The following CLEC17A variants were observed in gnomAD, a reference collection of about 807,000 sequenced individuals.
The protein encoded by CLEC17A is C-type lectin domain containing 17A.
A neutral mutation model predicts 61.3 loss-of-function variants in CLEC17A; 37 were observed. The ratio of observed to expected loss-of-function variants is 0.60; its 90% confidence interval spans 0.46 to 0.79. CLEC17A has a LOEUF of 0.79. Ranked by LOEUF, CLEC17A falls within the 30% of genes least tolerant of loss-of-function variation. CLEC17A has a pLI of 0.00. For synonymous variants in CLEC17A, 168 were observed against 164.9 expected, an observed-to-expected ratio of 1.02 and a Z score of -0.14; for missense variants, 418 against 464.7, an observed-to-expected ratio of 0.90 and a Z score of 0.92.
intron 2 of CLEC17A, among the ~76,000 whole-genome samples, chr19:14,587,261 GTT>G (rs1491253957): frequency 1.8e-3 from 253 of 140,390 alleles, no homozygotes; most frequent in African/African-American, 7.3e-3. Context: ...GTGTGTGTGT[GTT>G]TGTGTTTGTG....
chr19:14,605,540 C>T (rs2074839895), intron 12 of CLEC17A, among the ~76,000 whole-genome samples: 1 of 152,110 alleles, frequency 6.6e-6, no homozygotes, highest in Non-Finnish European at 1.5e-5. Flanking sequence ...TCAAACTAAC[C>T]AATATTTATA....
At chr19:14,600,605 G>A (rs1426369643) in intron 12 of CLEC17A, among the ~76,000 whole-genome samples, 1 of 149,292 alleles carries the variant, frequency 6.7e-6, no homozygotes, top group Non-Finnish European at 1.5e-5. Context: ...TTTTTGAGAT[G>A]GAGTCTCGCT....
chr19:14,595,136 T>G lies in CLEC17A; in HGVS notation c.404-138T>G, dbSNP rs544659090. On this transcript the variant is annotated intron_variant, in intron 7 of 13. Transcript: ENST00000417570. ...ATCCACCCGCCTCAGCCTCCGACAG[T>G]GCTGGAATTACAGGCGTGAGCCACT... 8.2e-6 allele frequency: 8 copies of G among 977,286 alleles called. No homozygotes were observed. In the African/African-American group the frequency reaches 1.3e-4, roughly 16 times the overall value. 60.5% of individuals were successfully genotyped at this position (977,286 alleles called of 1,614,324 possible). A position where few individuals can be genotyped will look rare whatever the true frequency, so the allele number is the denominator to read the frequency against.
intron 13 of CLEC17A, among the ~76,000 whole-genome samples, chr19:14,609,628 A>G (rs2074995547): frequency 6.7e-6 from 1 of 149,172 alleles, no homozygotes; most frequent in Admixed American, 6.7e-5. Flanking sequence ...ACTTGAGGTC[A>G]GGAGTTCAAG....
At chr19:14,606,859 T>A (rs1214419269) in intron 12 of CLEC17A, 134 bp from the exon 13 acceptor site, 20 of 360,152 alleles carry the variant, frequency 5.6e-5, no homozygotes, top group Non-Finnish European at 7.0e-5. Flanking sequence ...CTGTTCTGCA[T>A]ACCATGGGGA....
intron 13 of CLEC17A, among the ~76,000 whole-genome samples, chr19:14,608,728 G>GTGGGGGTGAGGTAAAATGGCTGAGTGAA (rs2074968849): frequency 6.7e-6 from 1 of 148,784 alleles, no homozygotes; most frequent in East Asian, 2.0e-4. Flanking sequence ...CTGCCTCCCA[G>GTGGGGGTGAGGTAAAATGGCTGAGTGAA]GCTCAAGTGA....
At position 14,592,295 on chromosome 19, in the gene CLEC17A, G is replaced by A; in HGVS notation, c.214G>A (p.Glu72Lys). 17 of 1,599,564 alleles carry A rather than the reference G, an allele frequency of 1.1e-5. No individual in the cohort carries two copies. The highest frequency in any genetic ancestry group is 1.4e-5 in the Non-Finnish European group (17 of 1,173,210). ...LPPKPGTMEE[E>K]EEDDDYENST... ...TCCCCTGGAAGGGACCATGGAGGAG[G>A]AGGAGGAGGATGATGACTATGAGAA... The change falls in exon 4 of 14, where the codon GAG becomes AAG. Residue 72 changes from glutamate to lysine, a missense_variant. Glu to Lys is a moderately conservative substitution (Grantham distance 56). Coordinates refer to ENST00000417570, the MANE Select transcript of CLEC17A (RefSeq NM_001204118.2).
rs562036769 is a variant in CLEC17A, at chr19:14,583,214, G to C, written c.43+11G>C. ...ACCCGGACCCACCAGGTAAGGCCCC[G>C]GCCAGGCTGGGGCTGGGGCCTAGGT... On this transcript the variant is annotated intron_variant, in intron 1 of 13. Transcript: ENST00000417570. 1.9e-6 allele frequency: 3 copies of C among 1,613,816 alleles called. No homozygotes were observed. Among genetic ancestry groups the C allele is most frequent in the Admixed American group, 1.7e-5 (1 of 59,994 alleles).
At chr19:14,604,705 G>A (rs2074811666) in intron 12 of CLEC17A, among the ~76,000 whole-genome samples, 1 of 151,988 alleles carries the variant, frequency 6.6e-6, no homozygotes. Context: ...GGAGGGTGCA[G>A]TGAGCTGGGA....
chr19:14,587,559 G>T (rs2074315086), intron 2 of CLEC17A, 55 bp from the exon 3 acceptor site: 1 of 1,513,832 alleles, frequency 6.6e-7, no homozygotes, highest in Non-Finnish European at 8.9e-7. Flanking sequence ...ACCAGGGCTT[G>T]AGGGATGGAG....
intron 12 of CLEC17A, among the ~76,000 whole-genome samples, chr19:14,606,169 C>CA (rs143028914): frequency 0.054 from 8,077 of 150,890 alleles, 722 homozygotes; most frequent in African/African-American, 0.19. Context: ...CAAGAGAAAC[C>CA]AAAAAAAATC....
intron 13 of CLEC17A, among the ~76,000 whole-genome samples, chr19:14,607,638 C>T (rs973871591): frequency 1.3e-4 from 19 of 151,838 alleles, no homozygotes; most frequent in African/African-American, 1.7e-4. Context: ...TGCAATGGTG[C>T]GATCTCAGCT....
chr19:14,606,145 G>A (rs1471734299), intron 12 of CLEC17A, among the ~76,000 whole-genome samples: 1 of 151,716 alleles, frequency 6.6e-6, no homozygotes, highest in Non-Finnish European at 1.5e-5. Flanking sequence ...AGGCTACCGA[G>A]TAGCACAAAA....
chr19:14,594,884 T>A (rs1290320459), intron 7 of CLEC17A, 84 bp downstream of exon 7: 1 of 1,292,128 alleles, frequency 7.7e-7, no homozygotes, highest in African/African-American at 1.5e-5. Context: ...TATTTATTTA[T>A]TTTTTTTGAG....
At chr19:14,590,612 C>T (rs925606940) in intron 3 of CLEC17A, among the ~76,000 whole-genome samples, 2 of 152,186 alleles carry the variant, frequency 1.3e-5, no homozygotes, top group African/African-American at 2.4e-5. Flanking sequence ...GTCTCGAACT[C>T]CCGACCTCAG....
At chr19:14,600,274 G>A in intron 12 of CLEC17A, 92 bp downstream of exon 12, 1 of 1,456,210 alleles carries the variant, frequency 6.9e-7, no homozygotes, top group East Asian at 2.3e-5. Flanking sequence ...TGGATGGCAA[G>A]AAATTAGAAT....
chr19:14,609,917 C>T (rs979500074), intron 13 of CLEC17A, 147 bp from the exon 14 acceptor site: 12 of 610,818 alleles, frequency 2.0e-5, no homozygotes, highest in African/African-American at 1.1e-4. Context: ...TCACTGTGCC[C>T]GGCTTACAGG....
rs568553699 is a variant in CLEC17A at position 14,611,684 on chromosome 19, G to C, written c.*1488G>C. On this transcript the variant is annotated 3_prime_UTR_variant, in exon 14 of 14. Transcript: ENST00000417570. The stretch of plus-strand genomic sequence containing the variant: ...AGCACGTGCCCTTGAGCTATCTGTG[G>C]GTTGTAACGTCTTTGATGATATAAT... 6.6e-6 allele frequency among the ~76,000 whole-genome samples: 1 copy of C among 152,174 alleles called. No individual in the cohort carries two copies. The highest frequency in any genetic ancestry group is 2.4e-5 in the African/African-American group (1 of 41,536).
chr19:14,590,331 A>C (rs1189141417), intron 3 of CLEC17A, among the ~76,000 whole-genome samples: 1 of 151,998 alleles, frequency 6.6e-6, no homozygotes, highest in Non-Finnish European at 1.5e-5. Context: ...TTAGGTTTAG[A>C]GCAGTAATAC....
Sources: allele counts gnomAD v4.1 joint callset (sites outside exome capture counted in the v4.1 genomes callset), GRCh38; gene constraint gnomAD v4.1.1; transcripts MANE v1.5; gene names NCBI Gene and HGNC (gene_info 2026-07-23, HGNC 2026-07-21).